DOK6: variants seen among roughly 807,000 people sequenced by gnomAD.
The protein encoded by DOK6 is downstream of tyrosine kinase 6.
In DOK6, 22 loss-of-function variants were observed where a neutral mutation model predicts 44.0. The observed-to-expected ratio is 0.50, with a 90% CI of 0.36 to 0.71. The LOEUF (loss-of-function observed/expected upper bound fraction) is 0.71, where lower values mean the gene tolerates loss of function less well. Among genes scored for constraint, DOK6 ranks in the 30% least tolerant of loss-of-function variants. The probability of loss-of-function intolerance (pLI) is 0.00; values close to 1 mark genes in which losing one functional copy is unlikely to be tolerated. For missense variants in DOK6, 340 were observed against 416.4 expected, an observed-to-expected ratio of 0.82 and a Z score of 1.60; for synonymous variants, 166 against 145.5, an observed-to-expected ratio of 1.14 and a Z score of -1.01.
intron 6 of DOK6, among the ~76,000 whole-genome samples, chr18:69,745,738 C>T (rs1461392752): frequency 1.3e-5 from 2 of 152,140 alleles, no homozygotes; most frequent in African/African-American, 4.8e-5. Flanking sequence ...GAGTGAAGCA[C>T]AATGATATCA....
In DOK6 at chr18:69,574,798, G is replaced by GA. The variant is rs569941708; in HGVS notation, c.174+10211dup. Among the ~76,000 whole-genome samples, 48 of 152,090 alleles carry GA rather than the reference G, an allele frequency of 3.2e-4. 1 individual carries two copies. The East Asian group carries it at 8.3e-3, about 26-fold the overall frequency. ...GTCATATTCTCAAATAGGTATTTCA[G>GA]AAAAAAATCCATTTTTGTGGTGTCA... On this transcript the variant is annotated intron_variant, in intron 2 of 7. Transcript: ENST00000382713.
chr18:69,481,106 A>G (rs1198417724), intron 1 of DOK6, among the ~76,000 whole-genome samples: 1 of 152,190 alleles, frequency 6.6e-6, no homozygotes, highest in East Asian at 1.9e-4. Context: ...GCCGTCAGGC[A>G]CTTGGAAGAG....
intron 4 of DOK6, among the ~76,000 whole-genome samples, chr18:69,695,364 A>G (rs1369925178): frequency 6.6e-6 from 1 of 152,240 alleles, no homozygotes; most frequent in Non-Finnish European, 1.5e-5. Flanking sequence ...GGTATAGGAA[A>G]TAAAAACCGA....
At position 69,427,615 on chromosome 18, in the gene DOK6, G is replaced by A. The variant is rs184706375; in HGVS notation, c.66+26305G>A. Among the ~76,000 whole-genome samples the A allele has an allele frequency of 1.4e-4, 21 of 152,264 alleles. No homozygotes were observed. The East Asian group carries it at 2.1e-3, about 15-fold the overall frequency. On this transcript the variant is annotated intron_variant, in intron 1 of 7. Transcript: ENST00000382713. ...CAATCCCATTACTGGGTATATGCCC[G>A]AAGGAATACAACTCATTCTATCTTA...
At chr18:69,611,481 G>T (rs1433073024) in intron 3 of DOK6, among the ~76,000 whole-genome samples, 3 of 149,270 alleles carry the variant, frequency 2.0e-5, no homozygotes, top group African/African-American at 7.4e-5. Flanking sequence ...AAAGGAAAAA[G>T]AAACAAGTAC....
chr18:69,755,992 G>A (rs1015846549), intron 6 of DOK6, among the ~76,000 whole-genome samples: 1 of 152,218 alleles, frequency 6.6e-6, no homozygotes, highest in African/African-American at 2.4e-5. Context: ...CCTGCATCAG[G>A]TGTGATTTCC....
intron 5 of DOK6, among the ~76,000 whole-genome samples, chr18:69,721,062 G>A (rs1568344398): frequency 6.6e-6 from 1 of 152,100 alleles, no homozygotes; most frequent in Non-Finnish European, 1.5e-5. Context: ...AAAATTCCAA[G>A]TCTTGCCTTC....
chr18:69,658,688 T>G (rs911580031), intron 3 of DOK6, among the ~76,000 whole-genome samples: 1 of 152,216 alleles, frequency 6.6e-6, no homozygotes, highest in African/African-American at 2.4e-5. Context: ...ATTTATTTCA[T>G]AAACGGAAAT....
At chr18:69,712,580 C>T (rs1007661808) in intron 5 of DOK6, among the ~76,000 whole-genome samples, 3 of 152,152 alleles carry the variant, frequency 2.0e-5, no homozygotes, top group Non-Finnish European at 4.4e-5. Context: ...CAAGGTGGCT[C>T]ATGCCTGTAA....
At chr18:69,833,852 A>G (rs1044454939) in intron 7 of DOK6, among the ~76,000 whole-genome samples, 2 of 152,204 alleles carry the variant, frequency 1.3e-5, no homozygotes, top group South Asian at 4.1e-4. Flanking sequence ...CACAACTACA[A>G]TGGGATATCA....
chr18:69,582,933 T>G (rs1045935167), intron 2 of DOK6, among the ~76,000 whole-genome samples: 3 of 152,212 alleles, frequency 2.0e-5, no homozygotes, highest in Non-Finnish European at 4.4e-5. Context: ...TGGTTTACCT[T>G]CACCATATTT....
chr18:69,617,562 A>T (rs1356910389), intron 3 of DOK6, among the ~76,000 whole-genome samples: 1 of 123,944 alleles, frequency 8.1e-6, no homozygotes, highest in Non-Finnish European at 1.8e-5. Flanking sequence ...ACTGAGTGAT[A>T]GGAGAAAAAG....
At chr18:69,577,079 C>T (rs571287004) in intron 2 of DOK6, among the ~76,000 whole-genome samples, 2 of 152,198 alleles carry the variant, frequency 1.3e-5, no homozygotes, top group South Asian at 2.1e-4. Context: ...ATTTTATTCT[C>T]TTTGTTTGGC....
intron 1 of DOK6, among the ~76,000 whole-genome samples, chr18:69,508,720 C>T (rs1418998883): frequency 6.6e-6 from 1 of 152,092 alleles, no homozygotes; most frequent in East Asian, 1.9e-4. Flanking sequence ...AGCGCCATTG[C>T]ATACTATAGC....
At chr18:69,766,447 C>A (rs1038692867) in intron 7 of DOK6, among the ~76,000 whole-genome samples, 1 of 152,142 alleles carries the variant, frequency 6.6e-6, no homozygotes, top group Non-Finnish European at 1.5e-5. Flanking sequence ...ACTTTTGACA[C>A]CCCCAAACTT....
At chr18:69,426,367 T>C (rs952144050) in intron 1 of DOK6, among the ~76,000 whole-genome samples, 11 of 152,206 alleles carry the variant, frequency 7.2e-5, no homozygotes, top group Admixed American at 7.2e-4. Context: ...TTGCTAAGAT[T>C]TGAATAAAAA....
intron 4 of DOK6, among the ~76,000 whole-genome samples, chr18:69,691,236 T>C (rs935781569): frequency 4.1e-5 from 6 of 147,222 alleles, no homozygotes; most frequent in Non-Finnish European, 9.0e-5. Flanking sequence ...AATAAAAATA[T>C]AGAATTGGAC....
chr18:69,499,038 ATG>A (rs1466881287), intron 1 of DOK6, among the ~76,000 whole-genome samples: 1 of 152,202 alleles, frequency 6.6e-6, no homozygotes, highest in Non-Finnish European at 1.5e-5. Context: ...TAATAGATTG[ATG>A]TGTTTATTAT....
At chr18:69,441,920 G>C (rs766771220) in intron 1 of DOK6, among the ~76,000 whole-genome samples, 42 of 152,142 alleles carry the variant, frequency 2.8e-4, no homozygotes, top group Non-Finnish European at 1.8e-4. Flanking sequence ...AAATGTTCAG[G>C]CTGGAAGGAA....
Sources: gnomAD v4.1 joint callset for allele counts (sites outside exome capture counted in the v4.1 genomes callset) on GRCh38, gnomAD v4.1.1 for gene constraint, MANE v1.5 for transcripts, NCBI Gene and HGNC (gene_info 2026-07-23, HGNC 2026-07-21) for gene names.